RIT2: variants seen among roughly 807,000 people sequenced by gnomAD.
RIT2 encodes the protein GTP-binding protein Rit2.
RIT2 carries 24 observed loss-of-function variants against 23.7 expected under a neutral mutation model. The observed-to-expected ratio is 1.01, with a 90% CI of 0.73 to 1.43. RIT2 has a LOEUF of 1.43. Among genes scored for constraint, RIT2 ranks in the 40% most tolerant of loss-of-function variants. The pLI is 0.00. For synonymous variants in RIT2, 107 were observed against 91.1 expected, an observed-to-expected ratio of 1.17 and a Z score of -0.99; for missense variants, 236 against 266.9, an observed-to-expected ratio of 0.88 and a Z score of 0.81.
intron 4 of RIT2, among the ~76,000 whole-genome samples, chr18:42,856,160 T>A (rs1907175819): frequency 6.6e-6 from 1 of 152,330 alleles, no homozygotes; most frequent in East Asian, 1.9e-4. Context: ...AAAGATAATC[T>A]TCTAACTTTC....
intron 4 of RIT2, among the ~76,000 whole-genome samples, chr18:42,865,557 C>T (rs936235219): frequency 3.3e-5 from 5 of 152,102 alleles, no homozygotes; most frequent in African/African-American, 9.7e-5. Flanking sequence ...TTCCTAGGCC[C>T]TTTAACAGGA....
intron 4 of RIT2, among the ~76,000 whole-genome samples, chr18:42,815,323 G>T (rs779473265): frequency 2.0e-5 from 3 of 152,144 alleles, no homozygotes; most frequent in Non-Finnish European, 2.9e-5. Context: ...AATGCAAACT[G>T]CTCTGGAAAG....
At chr18:42,964,512 C>T (rs947259978) in intron 3 of RIT2, among the ~76,000 whole-genome samples, 33 of 152,266 alleles carry the variant, frequency 2.2e-4, no homozygotes, top group Admixed American at 1.2e-3. Flanking sequence ...CCACCTGACA[C>T]AATGCCTATT....
intron 4 of RIT2, among the ~76,000 whole-genome samples, chr18:42,752,116 T>C (rs892132238): frequency 1.3e-5 from 2 of 152,030 alleles, no homozygotes; most frequent in African/African-American, 4.8e-5. Context: ...GGTTTTATGC[T>C]TACTATTATG....
chr18:42,797,957 C>T (rs1905422797), intron 4 of RIT2, among the ~76,000 whole-genome samples: 1 of 152,136 alleles, frequency 6.6e-6, no homozygotes. Context: ...CTCTTATTTG[C>T]CAAATATCAG....
At chr18:42,932,832 A>G (rs1909359706) in intron 3 of RIT2, among the ~76,000 whole-genome samples, 1 of 148,352 alleles carries the variant, frequency 6.7e-6, no homozygotes, top group Non-Finnish European at 1.5e-5. Flanking sequence ...CATGCTTCTT[A>G]GTCAATTATA....
chr18:42,901,259 A>G (rs1908469240), intron 4 of RIT2, among the ~76,000 whole-genome samples: 3 of 152,068 alleles, frequency 2.0e-5, no homozygotes. Context: ...CTGCCAATGT[A>G]CAATTGTTGC....
chr18:43,115,584 T>C lies in RIT2; in HGVS notation c.-65A>G. On this transcript the variant is annotated 5_prime_UTR_variant, in exon 1 of 5. It adds an upstream start codon to the 5' untranslated region. Coordinates refer to ENST00000326695, the MANE Select transcript of RIT2 (RefSeq NM_002930.4). ...CACCCGTGTCAGGTGCTTGCTCGAA[T>C]ATTAAGCAACTCTAAAACTGTGTCA... 1 of 1,570,456 alleles carries C rather than the reference T, an allele frequency of 6.4e-7. No individual in the cohort carries two copies. The highest frequency in any genetic ancestry group is 1.2e-5 in the South Asian group (1 of 84,520).
intron 4 of RIT2, among the ~76,000 whole-genome samples, chr18:42,831,792 C>T (rs564445364): frequency 6.6e-6 from 1 of 152,152 alleles, no homozygotes; most frequent in African/African-American, 2.4e-5. Context: ...GTCTCTCCCC[C>T]ACTCCCTAGT....
chr18:43,075,409 T>C, intron 1 of RIT2, among the ~76,000 whole-genome samples: 1 of 152,208 alleles, frequency 6.6e-6, no homozygotes, highest in East Asian at 1.9e-4. Context: ...TGCTTGTCCA[T>C]GATTAACTTC....
chr18:42,767,699 C>A (rs979000980), intron 4 of RIT2, among the ~76,000 whole-genome samples: 1 of 152,072 alleles, frequency 6.6e-6, no homozygotes, highest in African/African-American at 2.4e-5. Flanking sequence ...CTGACCCCAC[C>A]CAGATCTCAA....
chr18:42,870,698 G>A (rs759587857), intron 4 of RIT2, among the ~76,000 whole-genome samples: 4 of 152,054 alleles, frequency 2.6e-5, no homozygotes, highest in Admixed American at 6.6e-5. Flanking sequence ...AAGAAGCAAC[G>A]GCATGTCACT....
intron 3 of RIT2, among the ~76,000 whole-genome samples, chr18:42,933,269 T>C (rs1909371741): frequency 6.6e-6 from 1 of 152,170 alleles, no homozygotes; most frequent in Non-Finnish European, 1.5e-5. Flanking sequence ...TAGATAAATC[T>C]TTTAAGAAAA....
intron 1 of RIT2, among the ~76,000 whole-genome samples, chr18:43,097,966 G>A (rs1311816762): frequency 6.6e-6 from 1 of 151,914 alleles, no homozygotes; most frequent in Non-Finnish European, 1.5e-5. Context: ...TGGAAGCAGA[G>A]GACCTTATTA....
intron 4 of RIT2, among the ~76,000 whole-genome samples, chr18:42,869,587 C>T (rs1568017148): frequency 6.6e-6 from 1 of 152,154 alleles, no homozygotes; most frequent in Non-Finnish European, 1.5e-5. Context: ...AGTTGCTGCA[C>T]CAACATTCAT....
chr18:42,894,128 G>A (rs975597986), intron 4 of RIT2, among the ~76,000 whole-genome samples: 1 of 152,294 alleles, frequency 6.6e-6, no homozygotes, highest in Admixed American at 6.5e-5. Flanking sequence ...CATCACTCCT[G>A]TCACCTCCCT....
intron 1 of RIT2, among the ~76,000 whole-genome samples, chr18:43,069,516 G>A (rs560832568): frequency 3.9e-5 from 6 of 152,140 alleles, no homozygotes; most frequent in South Asian, 2.1e-4. Context: ...CTTTAATTCC[G>A]TCTAGACTTG....
At chr18:42,818,625 A>G (rs979574225) in intron 4 of RIT2, among the ~76,000 whole-genome samples, 5 of 152,058 alleles carry the variant, frequency 3.3e-5, no homozygotes, top group Non-Finnish European at 7.4e-5. Flanking sequence ...GAGTATATCA[A>G]GAAGCACAGA....
At chr18:42,995,573 G>A (rs574969688) in intron 2 of RIT2, among the ~76,000 whole-genome samples, 2 of 151,726 alleles carry the variant, frequency 1.3e-5, no homozygotes, top group Admixed American at 6.6e-5. Flanking sequence ...GGTATTCAGC[G>A]AAACCTTTAT....
Sources: allele counts gnomAD v4.1 joint callset (sites outside exome capture counted in the v4.1 genomes callset), GRCh38; gene constraint gnomAD v4.1.1; transcripts MANE v1.5; gene names NCBI Gene and HGNC (gene_info 2026-07-23, HGNC 2026-07-21).